The following LSAMP variants were observed in gnomAD, a reference collection of about 807,000 sequenced individuals.
LSAMP encodes the protein limbic system-associated membrane protein.
A neutral mutation model predicts 38.6 loss-of-function variants in LSAMP; 7 were observed. That is an observed-to-expected ratio of 0.18 (90% CI 0.10 to 0.34). LSAMP has a LOEUF of 0.34. Among genes scored for constraint, LSAMP ranks in the 10% least tolerant of loss-of-function variants. The pLI, the probability that LSAMP is intolerant of heterozygous loss-of-function variation, is 1.00. For synonymous variants in LSAMP, 154 were observed against 166.8 expected (o/e 0.92, Z 0.59); for missense variants, 313 against 420.0 (o/e 0.75, Z 2.23).
At chr3:116,201,072 G>A (rs1157396055) in intron 1 of LSAMP, among the ~76,000 whole-genome samples, 1 of 152,234 alleles carries the variant, frequency 6.6e-6, no homozygotes, top group Non-Finnish European at 1.5e-5. Context: ...GGAAATGAGA[G>A]CAGAGAAGAA....
chr3:116,344,923 G>T (rs1381271161), intron 1 of LSAMP, among the ~76,000 whole-genome samples: 1 of 152,106 alleles, frequency 6.6e-6, no homozygotes, highest in African/African-American at 2.4e-5. Context: ...ATTATTCACG[G>T]TAGGCATTCC....
intron 1 of LSAMP, among the ~76,000 whole-genome samples, chr3:116,120,332 C>T (rs1168989282): frequency 1.3e-5 from 2 of 151,810 alleles, no homozygotes; most frequent in East Asian, 3.9e-4. Context: ...TTACATAGTG[C>T]CAAAATCTGT....
At chr3:115,970,617 G>A (rs559153508) in intron 3 of LSAMP, among the ~76,000 whole-genome samples, 4 of 152,230 alleles carry the variant, frequency 2.6e-5, no homozygotes, top group Non-Finnish European at 4.4e-5. Flanking sequence ...GAACGAAGAA[G>A]TTCTTGCTTA....
chr3:116,386,845 C>T (rs1236227072), intron 1 of LSAMP, among the ~76,000 whole-genome samples: 1 of 152,032 alleles, frequency 6.6e-6, no homozygotes, highest in Non-Finnish European at 1.5e-5. Flanking sequence ...ATGGAAGAAG[C>T]AACATTTAAA....
At chr3:116,444,809 C>A (rs200315974) in intron 1 of LSAMP, 68 bp downstream of exon 1, 25,169 of 470,890 alleles carry the variant, frequency 0.053, 218 homozygotes, top group Admixed American at 0.2. Flanking sequence ...CACACACACA[C>A]AAACACACAC....
rs565507391 is a variant in LSAMP at position 115,922,260 on chromosome 3, T to A, written c.515-69643A>T. ...AGTGCCTTAGGTTTTCTTTACTTTT[T>A]TAGTTCCTTGTTTTCTTTTTGTTCT... On this transcript the variant is annotated intron_variant, in intron 3 of 6. Transcript: ENST00000490035. Among the ~76,000 whole-genome samples, 3 of 152,208 alleles carry A rather than the reference T, an allele frequency of 2.0e-5. 1 individual carries two copies. In the South Asian group the frequency reaches 6.2e-4, roughly 32 times the overall value.
intron 5 of LSAMP, among the ~76,000 whole-genome samples, 189 bp downstream of exon 5, chr3:115,842,269 G>T (rs898779018): frequency 1.3e-5 from 2 of 152,198 alleles, no homozygotes; most frequent in Non-Finnish European, 2.9e-5. Flanking sequence ...TATTTTACCT[G>T]ACTGCTTTTG....
chr3:116,123,575 C>T (rs1330355121), intron 1 of LSAMP, among the ~76,000 whole-genome samples: 1 of 152,228 alleles, frequency 6.6e-6, no homozygotes, highest in East Asian at 1.9e-4. Flanking sequence ...AATTGCTACA[C>T]TCTTTCCTTT....
At chr3:116,022,905 C>T (rs1397507778) in intron 2 of LSAMP, among the ~76,000 whole-genome samples, 1 of 152,122 alleles carries the variant, frequency 6.6e-6, no homozygotes, top group African/African-American at 2.4e-5. Flanking sequence ...ACCTTCATTC[C>T]CACCAAACAC....
At chr3:116,305,635 A>G (rs575507576) in intron 1 of LSAMP, among the ~76,000 whole-genome samples, 3 of 152,110 alleles carry the variant, frequency 2.0e-5, no homozygotes, top group African/African-American at 7.2e-5. Context: ...TGCAAATATC[A>G]AAACACAAAA....
At chr3:116,297,174 A>AAAAC (rs749559701) in intron 1 of LSAMP, among the ~76,000 whole-genome samples, 20 of 152,304 alleles carry the variant, frequency 1.3e-4, no homozygotes, top group Admixed American at 4.6e-4. Flanking sequence ...ATTTAAATTG[A>AAAAC]AAACAGGTGA....
chr3:116,245,581 A>T (rs1179900692), intron 1 of LSAMP, among the ~76,000 whole-genome samples: 1 of 152,098 alleles, frequency 6.6e-6, no homozygotes, highest in Admixed American at 6.5e-5. Flanking sequence ...TCCCCCAAAC[A>T]TGCCAGAATT....
intron 3 of LSAMP, among the ~76,000 whole-genome samples, chr3:115,877,478 A>G (rs1327232851): frequency 6.6e-6 from 1 of 152,128 alleles, no homozygotes; most frequent in East Asian, 1.9e-4. Context: ...TTTTTCAAAC[A>G]TTTATACATG....
intron 1 of LSAMP, among the ~76,000 whole-genome samples, chr3:116,389,921 C>T (rs193137039): frequency 5.8e-4 from 88 of 152,196 alleles, no homozygotes; most frequent in African/African-American, 2.0e-3. Context: ...AAGGAATGAG[C>T]ACTCCCATAA....
At chr3:115,847,140 C>A (rs1576142219) in intron 4 of LSAMP, among the ~76,000 whole-genome samples, 1 of 152,080 alleles carries the variant, frequency 6.6e-6, no homozygotes, top group Admixed American at 6.5e-5. Flanking sequence ...TGGAGTTAGA[C>A]CTGGGTTTGA....
intron 6 of LSAMP, among the ~76,000 whole-genome samples, chr3:115,823,929 C>A (rs1286655767): frequency 6.6e-6 from 1 of 152,182 alleles, no homozygotes; most frequent in Non-Finnish European, 1.5e-5. Flanking sequence ...AGTATAGGTG[C>A]ATGATTTGAC....
At chr3:116,310,667 C>T (rs1476367504) in intron 1 of LSAMP, among the ~76,000 whole-genome samples, 2 of 151,936 alleles carry the variant, frequency 1.3e-5, no homozygotes, top group Admixed American at 1.3e-4. Flanking sequence ...AGTAAGTCTC[C>T]CAACGAAAGA....
At chr3:116,431,560 A>C (rs908171398) in intron 1 of LSAMP, among the ~76,000 whole-genome samples, 4 of 152,072 alleles carry the variant, frequency 2.6e-5, no homozygotes, top group African/African-American at 7.2e-5. Flanking sequence ...CAGATTTTCT[A>C]ATGTTAGTAA....
chr3:116,012,027 A>T (rs1201209953), intron 3 of LSAMP, among the ~76,000 whole-genome samples: 1 of 152,222 alleles, frequency 6.6e-6, no homozygotes, highest in Non-Finnish European at 1.5e-5. Flanking sequence ...CATTGTGGAC[A>T]GTCCACAGGA....
Sources: allele counts gnomAD v4.1 joint callset (sites outside exome capture counted in the v4.1 genomes callset), GRCh38; gene constraint gnomAD v4.1.1; transcripts MANE v1.5; gene names NCBI Gene and HGNC (gene_info 2026-07-23, HGNC 2026-07-21).